The following PDPR variants were observed in gnomAD, a reference collection of about 807,000 sequenced individuals.
PDPR encodes pyruvate dehydrogenase phosphatase regulatory subunit, mitochondrial.
In PDPR, 50 loss-of-function variants were observed where a neutral mutation model predicts 102.2. That is an observed-to-expected ratio of 0.49 (90% CI 0.39 to 0.62). PDPR has a LOEUF of 0.62. Among genes scored for constraint, PDPR ranks in the 20% least tolerant of loss-of-function variants. The probability of loss-of-function intolerance (pLI) is 0.00; values close to 1 mark genes in which losing one functional copy is unlikely to be tolerated. For synonymous variants in PDPR, 259 were observed against 406.0 expected (o/e 0.64, Z 4.35); for missense variants, 625 against 1,098.2 (o/e 0.57, Z 6.09).
chr16:70,143,843 A>G (rs1457950386), intron 14 of PDPR, among the ~76,000 whole-genome samples, 185 bp downstream of exon 14: 1 of 152,092 alleles, frequency 6.6e-6, no homozygotes, highest in Non-Finnish European at 1.5e-5. Context: ...GAAAAGAAAA[A>G]AAAGCCCACC....
chr16:70,141,076 G>A (rs1965664005), intron 11 of PDPR, among the ~76,000 whole-genome samples: 1 of 151,654 alleles, frequency 6.6e-6, no homozygotes, highest in Non-Finnish European at 1.5e-5. Flanking sequence ...TTTTTTCCGA[G>A]ACAGTCTTGC....
intron 9 of PDPR, among the ~76,000 whole-genome samples, chr16:70,133,309 A>G (rs1439177471): frequency 6.6e-6 from 1 of 151,824 alleles, no homozygotes; most frequent in Non-Finnish European, 1.5e-5. Context: ...TTTAGTAGAG[A>G]CAGGGTTTCA....
Position 70,157,641 on chromosome 16 carries a change from G to A in PDPR, c.*762G>A. 5.9e-6 allele frequency: 1 copy of A among 170,900 alleles called. No homozygotes were observed. The highest frequency in any genetic ancestry group is 1.3e-5 in the Non-Finnish European group (1 of 78,972). The allele number at this position is 170,900 out of a possible 1,614,324, so 10.6% of individuals were successfully genotyped here. ...TAGTTGAGTAAACAAGTAAGCCACA[G>A]TGTTTGAAAGGGAAAAACCATATTG... On this transcript the variant is annotated 3_prime_UTR_variant, in exon 19 of 19. Transcript: ENST00000288050.
At chr16:70,136,657 G>A (rs2549555) in intron 10 of PDPR, among the ~76,000 whole-genome samples, 11 of 152,294 alleles carry the variant, frequency 7.2e-5, no homozygotes, top group Admixed American at 2.0e-4. Flanking sequence ...TATTTTTTCA[G>A]TTATAACAAA....
intron 11 of PDPR, among the ~76,000 whole-genome samples, chr16:70,141,059 A>G (rs1319934370): frequency 6.6e-6 from 1 of 150,634 alleles, no homozygotes; most frequent in Admixed American, 6.6e-5. Flanking sequence ...AGGGAAATGA[A>G]TTTTTTTTTT....
At chr16:70,120,436 A>C (rs1963121198) in intron 2 of PDPR, 25 bp from the exon 3 acceptor site, 1 of 1,251,122 alleles carries the variant, frequency 8.0e-7, no homozygotes, top group Non-Finnish European at 1.2e-6. Context: ...GAATGGCATG[A>C]AATATGTTTG....
intron 2 of PDPR, among the ~76,000 whole-genome samples, chr16:70,117,799 A>G (rs1461929463): frequency 1.3e-5 from 2 of 152,034 alleles, no homozygotes; most frequent in Admixed American, 6.6e-5. Context: ...TGAGGGCATC[A>G]GAAAGTCATT....
Position 70,156,711 on chromosome 16 carries a change from G to T in PDPR, c.2472G>T (p.Thr824=), listed in dbSNP as rs778756216. The T allele has an allele frequency of 1.9e-6, 3 of 1,614,078 alleles. No homozygotes were observed. The highest frequency in any genetic ancestry group is 2.2e-5 in the South Asian group (2 of 91,088). ...TTGTGCACAATTTTTCTGAGGACAC[G>T]GGGGAAGAGCAAGTGGTGACAGCAG... ...LGFVHNFSED[T]GEEQVVTADF... The change falls in exon 19 of 19, where the codon ACG becomes ACT. Residue 824 remains threonine (T), a synonymous_variant. Transcript: ENST00000288050.
intron 10 of PDPR, among the ~76,000 whole-genome samples, chr16:70,138,559 G>T (rs1350523386): frequency 6.6e-6 from 1 of 152,046 alleles, no homozygotes; most frequent in Admixed American, 6.6e-5. Flanking sequence ...TTACTATGTT[G>T]CCCAGGCTGG....
chr16:70,159,065 G>A lies in PDPR; in HGVS notation c.*2186G>A, dbSNP rs111916522. On this transcript the variant is annotated 3_prime_UTR_variant, in exon 19 of 19. Transcript: ENST00000288050. ...AAAGCTGTCTCCATAGTTTAAAATCGAATAGTGCCATCATCACAGTATATT... is the reference window on the plus strand; with the variant it reads ...AAAGCTGTCTCCATAGTTTAAAATCAAATAGTGCCATCATCACAGTATATT... 11,531 of 148,614 alleles carry A rather than the reference G, an allele frequency of 0.078. No homozygotes were observed. The highest frequency in any genetic ancestry group is 0.11 in the Non-Finnish European group (7,275 of 65,792). 9.2% of individuals were successfully genotyped at this position (148,614 alleles called of 1,614,324 possible). A position where few individuals can be genotyped will look rare whatever the true frequency, so the allele number is the denominator to read the frequency against.
chr16:70,146,298 T>C, intron 16 of PDPR, 70 bp downstream of exon 16: 1 of 1,607,978 alleles, frequency 6.2e-7, no homozygotes, highest in Non-Finnish European at 8.5e-7. Context: ...GGCAGGTACA[T>C]ATTCTTACTA....
In PDPR at chr16:70,157,038, T is replaced by C; in HGVS notation, c.*159T>C. Reference sequence around the variant, plus strand: ...TTTGAACTTGACCTACTTTAAACTTTTTTGCTCTGCAGCCTTCCTTGCCCT... The same window carrying C: ...TTTGAACTTGACCTACTTTAAACTTCTTTGCTCTGCAGCCTTCCTTGCCCT... On this transcript the variant is annotated 3_prime_UTR_variant, in exon 19 of 19. Coordinates refer to ENST00000288050, the MANE Select transcript of PDPR (RefSeq NM_017990.5). 9.0e-7 allele frequency: 1 copy of C among 1,106,392 alleles called. No individual in the cohort carries two copies. Among genetic ancestry groups the C allele is most frequent in the Non-Finnish European group, 1.3e-6 (1 of 754,154 alleles). 68.5% of individuals were successfully genotyped at this position (1,106,392 alleles called of 1,614,324 possible).
At chr16:70,131,112 A>AT (rs1964495846) in intron 7 of PDPR, among the ~76,000 whole-genome samples, 190 bp from the exon 8 acceptor site, 1 of 152,162 alleles carries the variant, frequency 6.6e-6, no homozygotes. Flanking sequence ...TCTCAAAGTA[A>AT]TTTTTATGTC....
chr16:70,116,863 A>G (rs568875219), intron 2 of PDPR, among the ~76,000 whole-genome samples: 1 of 151,642 alleles, frequency 6.6e-6, no homozygotes, highest in African/African-American at 2.4e-5. Flanking sequence ...TTTTAATTCC[A>G]CCTTAAAACT....
At chr16:70,114,635 C>G (rs1962448627) in intron 1 of PDPR, among the ~76,000 whole-genome samples, 186 bp from the exon 2 acceptor site, 1 of 152,252 alleles carries the variant, frequency 6.6e-6, no homozygotes, top group East Asian at 1.9e-4. Context: ...GTAAGGTTGT[C>G]CGCTCGTGCC....
At chr16:70,153,617 T>C in intron 18 of PDPR, 44 bp downstream of exon 18, 1 of 1,531,426 alleles carries the variant, frequency 6.5e-7, no homozygotes, top group Non-Finnish European at 8.8e-7. Flanking sequence ...GCATCCCGAG[T>C]AGTGAATCTG....
chr16:70,143,721 G>C (rs1415684304), intron 14 of PDPR, 63 bp downstream of exon 14: 2 of 1,556,862 alleles, frequency 1.3e-6, no homozygotes, highest in Admixed American at 1.8e-5. Flanking sequence ...GGGTGCTGTA[G>C]CAGAGGCTCT....
intron 3 of PDPR, among the ~76,000 whole-genome samples, chr16:70,127,019 G>A (rs1411834105): frequency 3.3e-5 from 5 of 152,242 alleles, no homozygotes; most frequent in African/African-American, 7.2e-5. Flanking sequence ...TAATTTTGTT[G>A]TTGTTGTTGG....
intron 9 of PDPR, among the ~76,000 whole-genome samples, chr16:70,134,831 A>G (rs1964945446): frequency 6.6e-6 from 1 of 152,204 alleles, no homozygotes; most frequent in South Asian, 2.1e-4. Flanking sequence ...CTAGTTCCAA[A>G]TTTAAAAAGA....
Sources: allele counts gnomAD v4.1 joint callset (sites outside exome capture counted in the v4.1 genomes callset), GRCh38; gene constraint gnomAD v4.1.1; transcripts MANE v1.5; gene names NCBI Gene and HGNC (gene_info 2026-07-23, HGNC 2026-07-21).